The following GBA1 variants were observed in gnomAD, a reference collection of about 807,000 sequenced individuals.
The protein encoded by GBA1 is glucosylceramidase beta 1, also known as lysosomal acid glucosylceramidase.
At chr1:155,235,748 T>A in the GBA1 span, 3 of 1,614,164 alleles carry the variant, frequency 1.9e-6, no homozygotes, top group Non-Finnish European at 2.5e-6. Context: ...TCTACAATGA[T>A]GGGACTGTCG....
At chr1:155,239,759 A>G in the GBA1 span, 1 of 1,614,102 alleles carries the variant, frequency 6.2e-7, no homozygotes, top group Non-Finnish European at 8.5e-7. Flanking sequence ...GGTCAGTAGC[A>G]GGCCTGAGGA....
At chr1:155,240,976 C>T in the GBA1 span, 1 of 1,110,382 alleles carries the variant, frequency 9.0e-7, no homozygotes, top group South Asian at 1.3e-5. Flanking sequence ...GTGCCTTGCT[C>T]AAAGAGCCAT....
chr1:155,237,824 C>T, the GBA1 span: 2 of 807,104 alleles, frequency 2.5e-6, no homozygotes, highest in East Asian at 2.7e-5. Flanking sequence ...ATTGCTTGAA[C>T]TCAGGAGGCA....
the GBA1 span, chr1:155,238,987 T>C: frequency 1.1e-5 from 4 of 364,634 alleles, no homozygotes; most frequent in South Asian, 8.7e-5. Context: ...GGGAGGCCGA[T>C]GTGGGCAGAT....
At chr1:155,239,944 G>T in the GBA1 span, 1 of 1,614,138 alleles carries the variant, frequency 6.2e-7, no homozygotes, top group Non-Finnish European at 8.5e-7. Context: ...GTCGCCCACT[G>T]CGTGTACTCT....
the GBA1 span, among the ~76,000 whole-genome samples, chr1:155,236,934 G>C: frequency 1.3e-5 from 2 of 151,896 alleles, no homozygotes; most frequent in African/African-American, 4.8e-5. Context: ...GCGCGATCTC[G>C]GCTCACCGCA....
At chr1:155,239,952 T>C in the GBA1 span, 1 of 1,614,032 alleles carries the variant, frequency 6.2e-7, no homozygotes, top group Non-Finnish European at 8.5e-7. Flanking sequence ...CTGCGTGTAC[T>C]CTCATAGCGG....
chr1:155,242,986 C>T, the GBA1 span, among the ~76,000 whole-genome samples: 1 of 152,222 alleles, frequency 6.6e-6, no homozygotes, highest in African/African-American at 2.4e-5. Flanking sequence ...AAATCAATCA[C>T]TCTAAGCCTC....
chr1:155,243,084 C>T, the GBA1 span, among the ~76,000 whole-genome samples: 1 of 152,202 alleles, frequency 6.6e-6, no homozygotes, highest in Non-Finnish European at 1.5e-5. Flanking sequence ...TAGTACACTG[C>T]TTGACACTAA....
At chr1:155,241,734 A>T in the GBA1 span, among the ~76,000 whole-genome samples, 1 of 152,140 alleles carries the variant, frequency 6.6e-6, no homozygotes, top group Non-Finnish European at 1.5e-5. Context: ...GTGGGGAATT[A>T]TCCAGGATGG....
the GBA1 span, chr1:155,239,656 AG>A: frequency 1.9e-6 from 3 of 1,614,206 alleles, no homozygotes; most frequent in Non-Finnish European, 2.5e-6. Flanking sequence ...AATTTTGGGC[AG>A]GGGGTGACAG....
chr1:155,236,601 T>G, the GBA1 span: 1 of 761,072 alleles, frequency 1.3e-6, no homozygotes, highest in Non-Finnish European at 2.3e-6. Context: ...TTTTTTTTTG[T>G]TTTTGAGACA....
the GBA1 span, chr1:155,235,812 G>A: frequency 3.1e-6 from 5 of 1,614,260 alleles, no homozygotes; most frequent in South Asian, 1.1e-5. Flanking sequence ...CAAGGTTCCA[G>A]TCGGTCCAGC....
the GBA1 span, chr1:155,235,360 A>C: frequency 6.2e-7 from 1 of 1,602,244 alleles, no homozygotes; most frequent in African/African-American, 1.3e-5. Context: ...CCTCCCATGA[A>C]ACCCTCATCT....
At chr1:155,236,237 T>C in the GBA1 span, 1 of 1,611,296 alleles carries the variant, frequency 6.2e-7, no homozygotes, top group Non-Finnish European at 8.5e-7. Context: ...GAGACTGGGG[T>C]GGCTTACCGT....
the GBA1 span, chr1:155,235,831 T>C: frequency 1.9e-6 from 3 of 1,614,042 alleles, no homozygotes; most frequent in African/African-American, 4.0e-5. Flanking sequence ...GCCGACCACA[T>C]GGTACAGGAG....
At chr1:155,240,832 T>A in the GBA1 span, 1 of 966,706 alleles carries the variant, frequency 1.0e-6, no homozygotes, top group Non-Finnish European at 1.7e-6. Context: ...CCACATTCAT[T>A]AGGACAAGGC....
chr1:155,237,869 T>A, the GBA1 span: 1 of 644,312 alleles, frequency 1.6e-6, no homozygotes, highest in South Asian at 2.0e-5. Context: ...GCCACAGCAC[T>A]CCAGCCTGGG....
At chr1:155,238,368 G>A in the GBA1 span, 2 of 1,520,354 alleles carry the variant, frequency 1.3e-6, no homozygotes, top group Non-Finnish European at 1.8e-6. Flanking sequence ...AGCCCAACCA[G>A]TGCATCCGGT....
Sources: gnomAD v4.1 joint callset for allele counts (sites outside exome capture counted in the v4.1 genomes callset) on GRCh38, gnomAD v4.1.1 for gene constraint, MANE v1.5 for transcripts, NCBI Gene and HGNC (gene_info 2026-07-23, HGNC 2026-07-21) for gene names.